SUGCT: variants seen among roughly 807,000 people sequenced by gnomAD.
SUGCT encodes succinyl-CoA:glutarate CoA-transferase.
SUGCT carries 41 observed loss-of-function variants against 55.0 expected under a neutral mutation model. The observed-to-expected ratio is 0.74, with a 90% confidence interval of 0.58 to 0.97. SUGCT has a LOEUF of 0.97. Among genes scored for constraint, SUGCT ranks in the 50% least tolerant of loss-of-function variants. The pLI is 0.00. For missense variants in SUGCT, 568 were observed against 547.8 expected (o/e 1.04, Z -0.37); for synonymous variants, 187 against 200.4 (o/e 0.93, Z 0.56).
intron 12 of SUGCT, among the ~76,000 whole-genome samples, chr7:40,577,575 ACT>A (rs550840982): frequency 2.4e-4 from 36 of 151,764 alleles, no homozygotes; most frequent in Admixed American, 2.1e-3. Flanking sequence ...CAAACTGTAA[ACT>A]CTCTATCTCA....
chr7:40,470,305 C>T lies in SUGCT; in HGVS notation c.986+11107C>T, dbSNP rs1353499597. ...TTGCCCACTTGGGTTCTATTCTTAT[C>T]TCCTCTTAGCTTTGGCTCTCCAGCA... On this transcript the variant is annotated intron_variant, in intron 11 of 13. Coordinates refer to ENST00000335693, the MANE Select transcript of SUGCT (RefSeq NM_001193313.2). Among the ~76,000 whole-genome samples, 6 of 152,078 alleles carry T rather than the reference C, an allele frequency of 3.9e-5. No homozygotes were observed. The East Asian group carries it at 9.7e-4, about 25-fold the overall frequency.
intron 12 of SUGCT, among the ~76,000 whole-genome samples, chr7:40,645,369 T>C (rs1346839273): frequency 6.6e-6 from 1 of 152,108 alleles, no homozygotes; most frequent in African/African-American, 2.4e-5. Flanking sequence ...GAATGTGGTG[T>C]GGGAGGGCCC....
At chr7:40,622,391 A>G (rs1435556224) in intron 12 of SUGCT, among the ~76,000 whole-genome samples, 1 of 152,126 alleles carries the variant, frequency 6.6e-6, no homozygotes, top group Non-Finnish European at 1.5e-5. Flanking sequence ...AGCTTTCATC[A>G]AGCTCTCACT....
chr7:40,145,596 T>G (rs1217766155), intron 1 of SUGCT, among the ~76,000 whole-genome samples: 1 of 152,116 alleles, frequency 6.6e-6, no homozygotes, highest in Admixed American at 6.6e-5. Flanking sequence ...GGCCACAAGA[T>G]TAGAAGTTAG....
Position 40,398,781 on chromosome 7 carries a change from A to T in SUGCT, c.817-50506A>T, listed in dbSNP as rs1213928249. 3.9e-5 allele frequency among the ~76,000 whole-genome samples: 6 copies of T among 152,262 alleles called. No homozygotes were observed. In the South Asian group the frequency reaches 6.2e-4, roughly 16 times the overall value. The stretch of plus-strand genomic sequence containing the variant: ...TATAATTTATTTAGCATGATTTTGG[A>T]GAAGAATTTTTGGAGGGGTCTGGAG... On this transcript the variant is annotated intron_variant, in intron 9 of 13. Transcript: ENST00000335693.
intron 12 of SUGCT, among the ~76,000 whole-genome samples, chr7:40,659,195 C>T (rs1445860550): frequency 1.3e-5 from 2 of 152,156 alleles, no homozygotes; most frequent in African/African-American, 4.8e-5. Flanking sequence ...TTTATTATCC[C>T]ATAGTTTCCC....
At chr7:41,014,329 A>G in the SUGCT span, among the ~76,000 whole-genome samples, 2 of 152,224 alleles carry the variant, frequency 1.3e-5, no homozygotes, top group Non-Finnish European at 2.9e-5. Context: ...ACTTTCAGTG[A>G]CTACTTCATA....
At chr7:40,667,981 T>C (rs935889588) in intron 12 of SUGCT, among the ~76,000 whole-genome samples, 13 of 152,176 alleles carry the variant, frequency 8.5e-5, no homozygotes, top group African/African-American at 2.9e-4. Flanking sequence ...TTATATTTGA[T>C]ACCAAGAAAC....
chr7:40,762,311 G>A (rs1029659935), intron 13 of SUGCT, among the ~76,000 whole-genome samples: 13 of 152,184 alleles, frequency 8.5e-5, no homozygotes, highest in African/African-American at 2.9e-4. Context: ...TAAGTGGAAG[G>A]AAACTTTAAA....
chr7:40,923,760 C>G, the SUGCT span, among the ~76,000 whole-genome samples: 1 of 152,186 alleles, frequency 6.6e-6, no homozygotes, highest in Non-Finnish European at 1.5e-5. Context: ...CTCTGCTTTT[C>G]TAAATGAGTG....
intron 13 of SUGCT, among the ~76,000 whole-genome samples, chr7:40,834,258 G>C (rs1792845446): frequency 6.6e-6 from 1 of 151,902 alleles, no homozygotes; most frequent in Non-Finnish European, 1.5e-5. Flanking sequence ...TTCTTAGGCT[G>C]GGGGGTGGGT....
At chr7:40,712,672 T>C (rs1211072896) in intron 12 of SUGCT, among the ~76,000 whole-genome samples, 2 of 152,252 alleles carry the variant, frequency 1.3e-5, no homozygotes, top group African/African-American at 4.8e-5. Context: ...CAGAAAGGGA[T>C]GTCGAATCCA....
intron 12 of SUGCT, among the ~76,000 whole-genome samples, chr7:40,591,554 A>T (rs923823665): frequency 2.0e-5 from 3 of 152,234 alleles, no homozygotes; most frequent in African/African-American, 7.2e-5. Context: ...CCAATTTTGA[A>T]AATTCTACTG....
At chr7:40,723,284 G>A (rs1039818477) in intron 12 of SUGCT, among the ~76,000 whole-genome samples, 4 of 152,086 alleles carry the variant, frequency 2.6e-5, no homozygotes, top group Non-Finnish European at 5.9e-5. Context: ...TGACTTCTCC[G>A]ATTTGAGTTT....
chr7:40,621,851 T>G (rs1799280511), intron 12 of SUGCT, among the ~76,000 whole-genome samples: 1 of 152,222 alleles, frequency 6.6e-6, no homozygotes. Context: ...TTCAAATATT[T>G]CTGCCCATTG....
intron 12 of SUGCT, among the ~76,000 whole-genome samples, chr7:40,533,372 A>G (rs928931264): frequency 4.6e-5 from 7 of 152,090 alleles, no homozygotes; most frequent in African/African-American, 1.7e-4. Context: ...TAATCAATCT[A>G]ATTGATATTT....
intron 13 of SUGCT, among the ~76,000 whole-genome samples, chr7:40,847,407 C>CTTTTT (rs1338885686): frequency 5.1e-5 from 6 of 117,882 alleles, no homozygotes; most frequent in African/African-American, 1.4e-4. Context: ...TCTTTTCTTT[C>CTTTTT]TTTCTTTTTT....
rs188282427 is a variant in SUGCT at position 40,610,517 on chromosome 7, T to C, written c.1089+114131T>C. On this transcript the variant is annotated intron_variant, in intron 12 of 13. Transcript: ENST00000335693. ...TTTGTTGAGTAGGGAAGAGCATTAA[T>C]ATAATACATAAGTCAGAAAAAAATT... Among the ~76,000 whole-genome samples the C allele has an allele frequency of 1.8e-3, 268 of 152,284 alleles. 1 individual carries two copies. The highest frequency in any genetic ancestry group is 3.0e-3 in the Non-Finnish European group (206 of 68,032).
intron 3 of SUGCT, among the ~76,000 whole-genome samples, chr7:40,182,998 C>T (rs1292865565): frequency 2.0e-5 from 3 of 152,182 alleles, no homozygotes; most frequent in Non-Finnish European, 4.4e-5. Context: ...TAAGGCTGGG[C>T]GTGGTGGCTT....
Sources: allele counts gnomAD v4.1 joint callset (sites outside exome capture counted in the v4.1 genomes callset), GRCh38; gene constraint gnomAD v4.1.1; transcripts MANE v1.5; gene names NCBI Gene and HGNC (gene_info 2026-07-23, HGNC 2026-07-21).